DLG2: variants seen among roughly 807,000 people sequenced by gnomAD.
DLG2 encodes the protein disks large homolog 2.
A neutral mutation model predicts 132.5 loss-of-function variants in DLG2; 45 were observed. The observed-to-expected ratio is 0.34, with a 90% CI of 0.27 to 0.44. DLG2 has a LOEUF of 0.44. Among genes scored for constraint, DLG2 ranks in the 20% least tolerant of loss-of-function variants. The pLI, the probability that DLG2 is intolerant of heterozygous loss-of-function variation, is 1.00. For synonymous variants in DLG2, 424 were observed against 419.6 expected (o/e 1.01, Z -0.13); for missense variants, 1,045 against 1,196.9 (o/e 0.87, Z 1.87).
intron 6 of DLG2, among the ~76,000 whole-genome samples, chr11:85,075,486 A>T (rs527732132): frequency 6.6e-6 from 1 of 152,048 alleles, no homozygotes; most frequent in African/African-American, 2.4e-5. Flanking sequence ...ATAATGTGGT[A>T]AATCCAAATA....
chr11:84,316,871 C>T (rs946754444), intron 7 of DLG2: 4 of 1,612,872 alleles, frequency 2.5e-6, no homozygotes, highest in South Asian at 2.2e-5. Flanking sequence ...ATGCTCCCCA[C>T]AAGTCCCTTT....
chr11:85,224,373 C>G (rs939091841), intron 4 of DLG2, among the ~76,000 whole-genome samples: 1 of 152,094 alleles, frequency 6.6e-6, no homozygotes, highest in Non-Finnish European at 1.5e-5. Context: ...TTGTTTAATA[C>G]AAGTTGACAA....
chr11:84,398,927 T>C (rs1343981077), intron 7 of DLG2, among the ~76,000 whole-genome samples: 1 of 152,200 alleles, frequency 6.6e-6, no homozygotes, highest in East Asian at 1.9e-4. Context: ...TAATTTTCTA[T>C]TTGGGCTTCG....
chr11:85,477,896 T>A (rs1455791210), intron 3 of DLG2, among the ~76,000 whole-genome samples: 4 of 152,234 alleles, frequency 2.6e-5, no homozygotes, highest in Non-Finnish European at 5.9e-5. Context: ...TATTTCTTAT[T>A]CATTTGCTGT....
chr11:84,625,725 G>A (rs1411083827), intron 6 of DLG2, among the ~76,000 whole-genome samples: 1 of 152,138 alleles, frequency 6.6e-6, no homozygotes, highest in Admixed American at 6.5e-5. Context: ...GAAGTCTGAG[G>A]TTATCTGAAA....
chr11:84,866,156 C>A (rs2084525875), intron 6 of DLG2, among the ~76,000 whole-genome samples: 1 of 152,082 alleles, frequency 6.6e-6, no homozygotes, highest in Non-Finnish European at 1.5e-5. Flanking sequence ...ATGTGAAACA[C>A]ATCTATTCTG....
chr11:84,667,498 G>GTTTTTTT (rs57863742), intron 6 of DLG2, among the ~76,000 whole-genome samples: 10 of 122,264 alleles, frequency 8.2e-5, no homozygotes, highest in Non-Finnish European at 1.3e-4. Flanking sequence ...TTTGTTTTTT[G>GTTTTTTT]TTTTTTTTTT....
At chr11:83,654,633 G>A (rs2071748734) in intron 18 of DLG2, among the ~76,000 whole-genome samples, 1 of 152,126 alleles carries the variant, frequency 6.6e-6, no homozygotes, top group Admixed American at 6.5e-5. Context: ...TTGTTCTACT[G>A]GAGGACACAC....
chr11:84,924,133 T>C (rs1430277990), intron 6 of DLG2, among the ~76,000 whole-genome samples: 17 of 152,170 alleles, frequency 1.1e-4, no homozygotes, highest in Non-Finnish European at 2.5e-4. Flanking sequence ...CGTCAGATCC[T>C]TCTATCTGTT....
intron 3 of DLG2, among the ~76,000 whole-genome samples, chr11:85,399,004 A>G (rs1305302251): frequency 1.3e-5 from 2 of 152,190 alleles, no homozygotes; most frequent in African/African-American, 2.4e-5. Flanking sequence ...CTGTTTGCAG[A>G]CCACATGATT....
intron 6 of DLG2, among the ~76,000 whole-genome samples, chr11:85,095,290 C>T (rs2069545952): frequency 6.6e-6 from 1 of 152,152 alleles, no homozygotes; most frequent in Admixed American, 6.5e-5. Flanking sequence ...TGCCAATAGA[C>T]TTGCTAAACA....
At chr11:85,599,742 T>A (rs881120) in intron 2 of DLG2, among the ~76,000 whole-genome samples, 2 of 152,038 alleles carry the variant, frequency 1.3e-5, no homozygotes, top group Non-Finnish European at 2.9e-5. Flanking sequence ...AAATTAATCA[T>A]CATTCCGTCT....
At chr11:85,352,653 A>G (rs1052641960) in intron 3 of DLG2, among the ~76,000 whole-genome samples, 1 of 152,174 alleles carries the variant, frequency 6.6e-6, no homozygotes, top group African/African-American at 2.4e-5. Context: ...AGACCAGTGG[A>G]ACAGAACAGA....
intron 6 of DLG2, among the ~76,000 whole-genome samples, chr11:84,664,188 T>A (rs138824884): frequency 3.0e-4 from 46 of 152,312 alleles, no homozygotes; most frequent in African/African-American, 1.1e-3. Context: ...ATAATCATAA[T>A]TCAATGTTAA....
chr11:84,686,397 TA>T (rs2099738207), intron 6 of DLG2, among the ~76,000 whole-genome samples: 1 of 152,194 alleles, frequency 6.6e-6, no homozygotes, highest in Non-Finnish European at 1.5e-5. Context: ...TCTGGAGATC[TA>T]AAATAACAAA....
intron 2 of DLG2, among the ~76,000 whole-genome samples, chr11:85,600,311 A>G (rs576294698): frequency 6.6e-6 from 1 of 152,336 alleles, no homozygotes; most frequent in African/African-American, 2.4e-5. Flanking sequence ...TCATTACTAA[A>G]TCCAGCAGTC....
At chr11:84,931,120 G>A (rs553045385) in intron 6 of DLG2, among the ~76,000 whole-genome samples, 8 of 151,792 alleles carry the variant, frequency 5.3e-5, no homozygotes, top group Admixed American at 2.6e-4. Flanking sequence ...CTTACCCTAC[G>A]GCTTCTGACC....
At chr11:83,579,430 A>G (rs1350782024) in intron 19 of DLG2, among the ~76,000 whole-genome samples, 3 of 152,242 alleles carry the variant, frequency 2.0e-5, no homozygotes, top group Admixed American at 1.3e-4. Flanking sequence ...CCAAACCAGC[A>G]TAATGGATAT....
intron 3 of DLG2, among the ~76,000 whole-genome samples, chr11:85,394,820 A>T (rs1246615645): frequency 3.3e-5 from 5 of 152,140 alleles, no homozygotes; most frequent in African/African-American, 1.2e-4. Flanking sequence ...ATGCCTCCTA[A>T]TTCCTACTTC....
Sources: gnomAD v4.1 joint callset for allele counts (sites outside exome capture counted in the v4.1 genomes callset) on GRCh38, gnomAD v4.1.1 for gene constraint, MANE v1.5 for transcripts, NCBI Gene and HGNC (gene_info 2026-07-23, HGNC 2026-07-21) for gene names.